The following TAFA1 variants were observed in gnomAD, a reference collection of about 807,000 sequenced individuals.
TAFA1 encodes the protein TAFA chemokine like family member 1, also known as chemokine-like protein TAFA-1.
A neutral mutation model predicts 18.5 loss-of-function variants in TAFA1; 4 were observed. The ratio of observed to expected loss-of-function variants is 0.22; its 90% CI spans 0.11 to 0.49. TAFA1 has a LOEUF of 0.49. Ranked by LOEUF, TAFA1 falls within the 20% of genes least tolerant of loss-of-function variation. The pLI, the probability that TAFA1 is intolerant of heterozygous loss-of-function variation, is 0.98. For synonymous variants in TAFA1, 56 were observed against 55.2 expected (o/e 1.01, Z -0.06); for missense variants, 147 against 169.0 (o/e 0.87, Z 0.72).
intron 2 of TAFA1, among the ~76,000 whole-genome samples, chr3:68,400,726 T>C (rs1188102117): frequency 6.6e-6 from 1 of 152,202 alleles, no homozygotes; most frequent in Non-Finnish European, 1.5e-5. Context: ...AGTGGACATT[T>C]ATACATGGAA....
At chr3:68,380,132 G>A (rs1221241064) in intron 2 of TAFA1, among the ~76,000 whole-genome samples, 4 of 152,118 alleles carry the variant, frequency 2.6e-5, no homozygotes, top group Non-Finnish European at 5.9e-5. Flanking sequence ...ATTCCATGGT[G>A]TATATGTGCC....
At chr3:68,201,682 TAATATA>T (rs1386446042) in intron 2 of TAFA1, among the ~76,000 whole-genome samples, 49 of 151,858 alleles carry the variant, frequency 3.2e-4, no homozygotes, top group African/African-American at 1.1e-3. Flanking sequence ...CTGTCTGAAA[TAATATA>T]GCCACTGTCT....
intron 2 of TAFA1, among the ~76,000 whole-genome samples, chr3:68,021,635 T>G (rs1704692264): frequency 1.3e-5 from 2 of 152,180 alleles, no homozygotes; most frequent in Non-Finnish European, 2.9e-5. Flanking sequence ...AAATGACATC[T>G]ATGTGTATTA....
Position 68,475,917 on chromosome 3 carries a change from G to T in TAFA1, c.259+58497G>T, listed in dbSNP as rs577778218. Among the ~76,000 whole-genome samples, 1,042 of 152,280 alleles carry T rather than the reference G, an allele frequency of 6.8e-3. 2 individuals are homozygous for T. The highest frequency in any genetic ancestry group is 0.024 in the Middle Eastern group (7 of 294). On this transcript the variant is annotated intron_variant, in intron 3 of 4. Coordinates refer to ENST00000478136, the MANE Select transcript of TAFA1 (RefSeq NM_213609.4). The stretch of plus-strand genomic sequence containing the variant: ...GCTTTTCTCTGATGGCCAGTGATGA[G>T]GAGCATTTTTTCATGTGTTTTTTGG...
At chr3:68,418,222 G>GCA (rs1417315402) in intron 3 of TAFA1, among the ~76,000 whole-genome samples, 1 of 152,070 alleles carries the variant, frequency 6.6e-6, no homozygotes, top group Non-Finnish European at 1.5e-5. Context: ...GTGCAGGTGG[G>GCA]CCGAGTCCCA....
At chr3:68,458,960 G>C (rs1304258102) in intron 3 of TAFA1, among the ~76,000 whole-genome samples, 1 of 152,166 alleles carries the variant, frequency 6.6e-6, no homozygotes, top group Non-Finnish European at 1.5e-5. Context: ...ATCTGTGGGA[G>C]AGGCAGGGCA....
chr3:68,195,028 C>A (rs528898665), intron 2 of TAFA1, among the ~76,000 whole-genome samples: 1 of 151,590 alleles, frequency 6.6e-6, no homozygotes, highest in African/African-American at 2.4e-5. Flanking sequence ...CCCTTACATG[C>A]CCATCCATGT....
At chr3:68,289,236 A>T (rs1379594747) in intron 2 of TAFA1, among the ~76,000 whole-genome samples, 1 of 152,212 alleles carries the variant, frequency 6.6e-6, no homozygotes, top group African/African-American at 2.4e-5. Context: ...TATTTGTATT[A>T]ACAAAAGCCC....
chr3:68,326,222 C>T (rs1400938769), intron 2 of TAFA1, among the ~76,000 whole-genome samples: 1 of 152,140 alleles, frequency 6.6e-6, no homozygotes, highest in East Asian at 1.9e-4. Context: ...TGCTGGATTT[C>T]CTTTTTACTG....
chr3:68,332,611 C>T (rs566179937), intron 2 of TAFA1, among the ~76,000 whole-genome samples: 2 of 152,262 alleles, frequency 1.3e-5, no homozygotes, highest in Non-Finnish European at 2.9e-5. Context: ...CCTGAATAGA[C>T]ATTGTCCTAA....
chr3:68,411,966 T>G (rs1438201310), intron 2 of TAFA1, among the ~76,000 whole-genome samples: 1 of 152,186 alleles, frequency 6.6e-6, no homozygotes, highest in Non-Finnish European at 1.5e-5. Flanking sequence ...GGTTCCACTG[T>G]GTCCACCAAG....
chr3:68,202,659 TGTGA>T (rs2066481580), intron 2 of TAFA1, among the ~76,000 whole-genome samples: 2 of 151,718 alleles, frequency 1.3e-5, no homozygotes, highest in African/African-American at 2.4e-5. Flanking sequence ...TTATGGGTAC[TGTGA>T]GTAACTTACA....
At chr3:68,245,069 TAGAAG>T (rs1159088363) in intron 2 of TAFA1, among the ~76,000 whole-genome samples, 1 of 152,204 alleles carries the variant, frequency 6.6e-6, no homozygotes, top group Non-Finnish European at 1.5e-5. Context: ...ATGACCTCTT[TAGAAG>T]ACCCTTAAAA....
rs560932649 is a variant in TAFA1 at position 68,268,997 on chromosome 3, C to T, written c.119-148283C>T. Among the ~76,000 whole-genome samples, 154 of 152,242 alleles carry T rather than the reference C, an allele frequency of 1.0e-3. 1 individual carries two copies. Among genetic ancestry groups the T allele is most frequent in the African/African-American group, 3.6e-3 (151 of 41,556 alleles). ...ATTTCCTTACCCAACTCTTCCCTAC[C>T]TTCCTTCATTCCTCCCTTCTTTCCT... On this transcript the variant is annotated intron_variant, in intron 2 of 4. Coordinates refer to ENST00000478136, the MANE Select transcript of TAFA1 (RefSeq NM_213609.4).
In TAFA1 at chr3:68,298,569, A is replaced by G. The variant is rs565480051; in HGVS notation, c.119-118711A>G. 3.3e-5 allele frequency among the ~76,000 whole-genome samples: 5 copies of G among 152,292 alleles called. No homozygotes were observed. In the South Asian group the frequency reaches 6.2e-4, roughly 19 times the overall value. On this transcript the variant is annotated intron_variant, in intron 2 of 4. Transcript: ENST00000478136. ...CTCATCTTGACTCATAATCCTCACA[A>G]TCCCCATGTGTCAAGGGAGAGACCA... is the stretch of plus-strand genomic sequence containing the variant.
At position 68,269,245 on chromosome 3, in the gene TAFA1, G is replaced by C. The variant is rs368626183; in HGVS notation, c.119-148035G>C. 1.1e-3 allele frequency among the ~76,000 whole-genome samples: 162 copies of C among 152,182 alleles called. 3 individuals are homozygous for C. The highest frequency in any genetic ancestry group is 3.8e-3 in the African/African-American group (156 of 41,520). On this transcript the variant is annotated intron_variant, in intron 2 of 4. Transcript: ENST00000478136. ...ATGGCAGGAGGATTGCTTGAGGCCG[G>C]GAGTTTGAGACCAGCCTGAGCGACA...
intron 3 of TAFA1, among the ~76,000 whole-genome samples, chr3:68,481,328 C>T (rs1219449619): frequency 6.6e-6 from 1 of 152,300 alleles, no homozygotes; most frequent in African/African-American, 2.4e-5. Context: ...GATTGGGGGT[C>T]TATAAACAGT....
At chr3:68,505,616 C>A (rs1280138598) in intron 3 of TAFA1, among the ~76,000 whole-genome samples, 1 of 152,114 alleles carries the variant, frequency 6.6e-6, no homozygotes, top group Admixed American at 6.6e-5. Flanking sequence ...CATTTCCAAG[C>A]TCCTTCAGGC....
chr3:68,265,196 T>C (rs1463595116), intron 2 of TAFA1, among the ~76,000 whole-genome samples: 1 of 152,242 alleles, frequency 6.6e-6, no homozygotes, highest in African/African-American at 2.4e-5. Context: ...TTTCTGAGGC[T>C]CTGATCCCTT....
Sources: allele counts gnomAD v4.1 joint callset (sites outside exome capture counted in the v4.1 genomes callset), GRCh38; gene constraint gnomAD v4.1.1; transcripts MANE v1.5; gene names NCBI Gene and HGNC (gene_info 2026-07-23, HGNC 2026-07-21).